SEMA5A: variants seen among roughly 807,000 people sequenced by gnomAD.
SEMA5A encodes semaphorin 5A, also known as semaphorin-5A.
In SEMA5A, 55 loss-of-function variants were observed where a neutral mutation model predicts 135.5. The ratio of observed to expected loss-of-function variants is 0.41; its 90% CI spans 0.33 to 0.51. The LOEUF (loss-of-function observed/expected upper bound fraction) is 0.51. Ranked by LOEUF, SEMA5A falls within the 20% of genes least tolerant of loss-of-function variation. The pLI is 0.37. For synonymous variants in SEMA5A, 580 were observed against 546.5 expected (o/e 1.06, Z -0.85); for missense variants, 1,290 against 1,419.9 (o/e 0.91, Z 1.47).
At chr5:9,351,811 T>C (rs567785942) in intron 3 of SEMA5A, among the ~76,000 whole-genome samples, 1 of 152,326 alleles carries the variant, frequency 6.6e-6, no homozygotes, top group East Asian at 1.9e-4. Flanking sequence ...AGCTAAAAAC[T>C]TTTGGAAGCC....
intron 5 of SEMA5A, among the ~76,000 whole-genome samples, chr5:9,258,398 G>T (rs770916171): frequency 6.6e-6 from 1 of 152,182 alleles, no homozygotes; most frequent in Non-Finnish European, 1.5e-5. Context: ...CCAACCAGGC[G>T]TGCTGTCTTT....
intron 5 of SEMA5A, among the ~76,000 whole-genome samples, chr5:9,262,826 G>A (rs1223372354): frequency 6.1e-4 from 75 of 123,856 alleles, no homozygotes; most frequent in African/African-American, 2.2e-3. Context: ...CAGCGCACCA[G>A]CATGGCACAT....
chr5:9,525,591 C>T (rs1437265362), intron 1 of SEMA5A, among the ~76,000 whole-genome samples: 1 of 152,240 alleles, frequency 6.6e-6, no homozygotes, highest in African/African-American at 2.4e-5. Flanking sequence ...CTCTCGGAGC[C>T]TTTTCAACCA....
At position 9,062,780 on chromosome 5, in the gene SEMA5A, C is replaced by T. The variant is rs1170546452; in HGVS notation, c.2518+107G>A. ...ATAGCCAAGACATTTATTAAGAACACAGATCTCAAACACGAAGCCAGGGAG... is the reference window on the plus strand; with the variant it reads ...ATAGCCAAGACATTTATTAAGAACATAGATCTCAAACACGAAGCCAGGGAG... On this transcript the variant is annotated intron_variant, in intron 18 of 22. Coordinates refer to ENST00000382496, the MANE Select transcript of SEMA5A (RefSeq NM_003966.3). The T allele has an allele frequency of 5.2e-6, 6 of 1,150,510 alleles. No individual in the cohort carries two copies. In the Admixed American group the frequency reaches 1.2e-4, roughly 22 times the overall value. 71.3% of individuals were successfully genotyped at this position (1,150,510 alleles called of 1,614,324 possible). A position where few individuals can be genotyped will look rare whatever the true frequency, so the allele number is the denominator to read the frequency against.
chr5:9,217,354 G>A (rs1746687257), intron 8 of SEMA5A, among the ~76,000 whole-genome samples: 1 of 152,160 alleles, frequency 6.6e-6, no homozygotes, highest in Non-Finnish European at 1.5e-5. Flanking sequence ...TCAGCTGAGA[G>A]GTCCACTGTT....
At chr5:9,507,646 C>T (rs1360436993) in intron 1 of SEMA5A, among the ~76,000 whole-genome samples, 1 of 152,128 alleles carries the variant, frequency 6.6e-6, no homozygotes, top group Non-Finnish European at 1.5e-5. Flanking sequence ...TGAATGGTGA[C>T]CCAGGCAGAA....
intron 3 of SEMA5A, among the ~76,000 whole-genome samples, chr5:9,370,489 G>A (rs149270731): frequency 2.6e-5 from 4 of 152,256 alleles, no homozygotes; most frequent in African/African-American, 9.6e-5. Flanking sequence ...CTCACTCATG[G>A]AACATGTGTG....
At chr5:9,495,102 A>G (rs1735232288) in intron 1 of SEMA5A, among the ~76,000 whole-genome samples, 1 of 152,132 alleles carries the variant, frequency 6.6e-6, no homozygotes, top group African/African-American at 2.4e-5. Flanking sequence ...TTTAAATTCT[A>G]TTTTTCTTTC....
At chr5:9,487,190 T>C (rs1246206866) in intron 1 of SEMA5A, among the ~76,000 whole-genome samples, 1 of 152,246 alleles carries the variant, frequency 6.6e-6, no homozygotes, top group East Asian at 1.9e-4. Context: ...AAAAAATTAA[T>C]AACAATCTGG....
intron 4 of SEMA5A, among the ~76,000 whole-genome samples, chr5:9,326,647 T>G (rs763473959): frequency 6.6e-6 from 1 of 152,072 alleles, no homozygotes; most frequent in African/African-American, 2.4e-5. Context: ...CTGGGCGTAG[T>G]GGTGCACAAC....
intron 5 of SEMA5A, among the ~76,000 whole-genome samples, chr5:9,270,961 T>A (rs1013041701): frequency 2.6e-5 from 4 of 152,104 alleles, no homozygotes; most frequent in Admixed American, 1.3e-4. Context: ...AAAGAATTTG[T>A]GAATGTTTGC....
At chr5:9,400,003 T>C (rs1224680453) in intron 2 of SEMA5A, among the ~76,000 whole-genome samples, 1 of 152,192 alleles carries the variant, frequency 6.6e-6, no homozygotes, top group African/African-American at 2.4e-5. Context: ...TTCATATCCT[T>C]TGCAGGAACA....
At chr5:9,514,369 G>A (rs1276139981) in intron 1 of SEMA5A, among the ~76,000 whole-genome samples, 1 of 152,098 alleles carries the variant, frequency 6.6e-6, no homozygotes, top group Non-Finnish European at 1.5e-5. Context: ...TTAGGACAGG[G>A]ACGTCTTTGG....
rs182459064 is a variant in SEMA5A at position 9,489,080 on chromosome 5, A to G, written c.-174-51228T>C. On this transcript the variant is annotated intron_variant, in intron 1 of 22. Coordinates refer to ENST00000382496, the MANE Select transcript of SEMA5A (RefSeq NM_003966.3). ...GTGAAATCTTGGGCAGGGCTCATGTACCATTTTCTCAAGGGCTTTCCCAAT... is the reference window on the plus strand; with the variant it reads ...GTGAAATCTTGGGCAGGGCTCATGTGCCATTTTCTCAAGGGCTTTCCCAAT... 1.1e-3 allele frequency among the ~76,000 whole-genome samples: 165 copies of G among 152,268 alleles called. 1 individual carries two copies. Among genetic ancestry groups the G allele is most frequent in the African/African-American group, 3.8e-3 (157 of 41,564 alleles).
At chr5:9,363,775 C>G (rs1270249712) in intron 3 of SEMA5A, among the ~76,000 whole-genome samples, 3 of 152,182 alleles carry the variant, frequency 2.0e-5, no homozygotes, top group Non-Finnish European at 4.4e-5. Context: ...ACATCAGTTA[C>G]ACGGTTCTGT....
chr5:9,052,164 T>TA (rs1736622947), intron 19 of SEMA5A, 136 bp from the exon 20 acceptor site: 2 of 952,662 alleles, frequency 2.1e-6, no homozygotes, highest in Non-Finnish European at 3.0e-6. Flanking sequence ...TGTGCATCAG[T>TA]AAGATGTAGT....
At chr5:9,544,313 T>G (rs989255969) in intron 1 of SEMA5A, among the ~76,000 whole-genome samples, 2 of 152,194 alleles carry the variant, frequency 1.3e-5, no homozygotes, top group African/African-American at 4.8e-5. Context: ...TCACGTTATC[T>G]TCCCTCAATT....
chr5:9,416,373 C>A (rs1280833569), intron 2 of SEMA5A, among the ~76,000 whole-genome samples: 1 of 152,088 alleles, frequency 6.6e-6, no homozygotes, highest in Non-Finnish European at 1.5e-5. Flanking sequence ...ACAGAATGAA[C>A]CCCAAAGCCA....
intron 1 of SEMA5A, among the ~76,000 whole-genome samples, chr5:9,501,228 T>C (rs1735579944): frequency 6.6e-6 from 1 of 152,220 alleles, no homozygotes; most frequent in African/African-American, 2.4e-5. Flanking sequence ...CACAATTTAA[T>C]CTCTGACCTC....
Sources: gnomAD v4.1 joint callset for allele counts (sites outside exome capture counted in the v4.1 genomes callset) on GRCh38, gnomAD v4.1.1 for gene constraint, MANE v1.5 for transcripts, NCBI Gene and HGNC (gene_info 2026-07-23, HGNC 2026-07-21) for gene names.